INPP4A: variants seen among roughly 807,000 people sequenced by gnomAD.
The protein encoded by INPP4A is inositol polyphosphate-4-phosphatase type I A, also known as inositol polyphosphate-4-phosphatase, type I, 107kD.
INPP4A carries 33 observed loss-of-function variants against 119.8 expected under a neutral mutation model. The ratio of observed to expected loss-of-function variants is 0.28; its 90% CI spans 0.21 to 0.37. The LOEUF (loss-of-function observed/expected upper bound fraction) is 0.37, where lower values mean the gene tolerates loss of function less well. Ranked by LOEUF, INPP4A falls within the 10% of genes least tolerant of loss-of-function variation. INPP4A has a pLI of 1.00. For missense variants in INPP4A, 956 were observed against 1,289.9 expected (o/e 0.74, Z 3.97); for synonymous variants, 496 against 500.7 (o/e 0.99, Z 0.12).
intron 1 of INPP4A, among the ~76,000 whole-genome samples, chr2:98,466,268 ACTCTTGAC>A (rs1373998162): frequency 6.6e-6 from 1 of 151,418 alleles, no homozygotes; most frequent in African/African-American, 2.4e-5. Context: ...TTGGTCTTGA[ACTCTTGAC>A]CTCAAGCAAT....
intron 22 of INPP4A, 53 bp from the exon 23 acceptor site, chr2:98,572,762 G>A (rs772829042): frequency 7.6e-6 from 10 of 1,322,462 alleles, no homozygotes; most frequent in Non-Finnish European, 1.0e-5. Flanking sequence ...TCCCTCTGCC[G>A]GGGGAGTTCC....
intron 1 of INPP4A, among the ~76,000 whole-genome samples, chr2:98,453,596 C>T (rs1208455014): frequency 2.0e-5 from 3 of 152,120 alleles, no homozygotes; most frequent in Non-Finnish European, 4.4e-5. Flanking sequence ...TGTGTATACA[C>T]TTGGGGTCTT....
chr2:98,452,396 A>G (rs186014446), intron 1 of INPP4A, among the ~76,000 whole-genome samples: 2 of 152,322 alleles, frequency 1.3e-5, no homozygotes, highest in East Asian at 3.9e-4. Flanking sequence ...GGGCCCAGAA[A>G]GCTGTGCTTT....
chr2:98,518,125 A>G (rs919760806), intron 1 of INPP4A, among the ~76,000 whole-genome samples: 14 of 152,236 alleles, frequency 9.2e-5, no homozygotes, highest in African/African-American at 2.9e-4. Context: ...CATTACTGTA[A>G]AAAGCAGATA....
intron 1 of INPP4A, among the ~76,000 whole-genome samples, chr2:98,470,249 G>T (rs908508156): frequency 6.6e-6 from 1 of 152,212 alleles, no homozygotes; most frequent in Non-Finnish European, 1.5e-5. Flanking sequence ...ACTGGGGAGC[G>T]GCCCCTGGAT....
intron 15 of INPP4A, among the ~76,000 whole-genome samples, chr2:98,555,244 G>A (rs1694238027): frequency 6.6e-6 from 1 of 152,200 alleles, no homozygotes; most frequent in Admixed American, 6.5e-5. Context: ...GCAGTGGCAA[G>A]AGGAGGAGAT....
intron 1 of INPP4A, among the ~76,000 whole-genome samples, chr2:98,510,861 A>G (rs185863884): frequency 2.8e-3 from 432 of 152,310 alleles, no homozygotes; most frequent in Middle Eastern, 0.01. Flanking sequence ...CATGTCAGTT[A>G]AGTAAATGAA....
At chr2:98,552,546 G>A in intron 13 of INPP4A, 1 of 642,672 alleles carries the variant, frequency 1.6e-6, no homozygotes, top group Non-Finnish European at 2.9e-6. Context: ...TAAAAATACA[G>A]ATACATGCAA....
intron 1 of INPP4A, among the ~76,000 whole-genome samples, chr2:98,515,953 T>C (rs1232834689): frequency 6.6e-6 from 1 of 152,148 alleles, no homozygotes; most frequent in Non-Finnish European, 1.5e-5. Context: ...AGGGGTCACA[T>C]GAGTGCGCAG....
intron 4 of INPP4A, among the ~76,000 whole-genome samples, chr2:98,532,230 T>G (rs1048372858): frequency 1.3e-5 from 2 of 152,166 alleles, no homozygotes; most frequent in Non-Finnish European, 2.9e-5. Flanking sequence ...CTTTGTATTT[T>G]TCAGTCTTTT....
intron 17 of INPP4A, among the ~76,000 whole-genome samples, chr2:98,563,233 A>G (rs1695807181): frequency 6.6e-6 from 1 of 151,950 alleles, no homozygotes; most frequent in Non-Finnish European, 1.5e-5. Flanking sequence ...GAGACCAGGC[A>G]TGTCTTGGAG....
At chr2:98,454,433 G>T (rs970285976) in intron 1 of INPP4A, among the ~76,000 whole-genome samples, 5 of 152,166 alleles carry the variant, frequency 3.3e-5, no homozygotes, top group African/African-American at 1.2e-4. Context: ...TGCTGGATGT[G>T]AACCCAAGTC....
chr2:98,497,727 TGC>T lies in INPP4A; in HGVS notation c.-165-21236_-165-21235del, dbSNP rs1356586762. On this transcript the variant is annotated intron_variant, in intron 1 of 24. Coordinates refer to ENST00000409851, the MANE Select transcript of INPP4A (RefSeq NM_001134225.2). ...ACTCTGTTGATTGTCTGCTTTGCTG[TGC>T]AGAAGCTTGGGCGCAACTGCCCAAG... Among the ~76,000 whole-genome samples the T allele has an allele frequency of 5.9e-5, 9 of 152,360 alleles. No individual in the cohort carries two copies. In the East Asian group the frequency reaches 1.7e-3, roughly 29 times the overall value.
At chr2:98,484,706 T>C (rs1679190448) in intron 1 of INPP4A, among the ~76,000 whole-genome samples, 1 of 152,230 alleles carries the variant, frequency 6.6e-6, no homozygotes, top group Non-Finnish European at 1.5e-5. Context: ...AACATTTTTA[T>C]ACGTGTTCTT....
chr2:98,447,627 C>T (rs1051891826), intron 1 of INPP4A, among the ~76,000 whole-genome samples: 2 of 152,028 alleles, frequency 1.3e-5, no homozygotes, highest in African/African-American at 4.8e-5. Flanking sequence ...CTCAGATTCT[C>T]CAAATGTGGA....
chr2:98,557,161 T>G (rs1694638872), intron 16 of INPP4A, among the ~76,000 whole-genome samples: 1 of 152,238 alleles, frequency 6.6e-6, no homozygotes, highest in Non-Finnish European at 1.5e-5. Context: ...CATCCTGTAT[T>G]GTTTAAATAT....
At chr2:98,512,881 T>G (rs1046071280) in intron 1 of INPP4A, among the ~76,000 whole-genome samples, 15 of 152,218 alleles carry the variant, frequency 9.9e-5, no homozygotes, top group African/African-American at 3.6e-4. Context: ...CCCTCCACCT[T>G]GTCCGTGTTC....
chr2:98,544,063 ACTCT>A, intron 11 of INPP4A, 56 bp downstream of exon 11: 2 of 1,195,618 alleles, frequency 1.7e-6, no homozygotes, highest in Admixed American at 2.4e-5. Flanking sequence ...ACACACACAC[ACTCT>A]CACTCTCACT....
chr2:98,533,586 C>T (rs1395372403), intron 5 of INPP4A, 91 bp downstream of exon 5: 2 of 787,706 alleles, frequency 2.5e-6, no homozygotes, highest in African/African-American at 3.4e-5. Flanking sequence ...GCATCTGTAG[C>T]TGAAGCTGTA....
Sources: allele counts gnomAD v4.1 joint callset (sites outside exome capture counted in the v4.1 genomes callset), GRCh38; gene constraint gnomAD v4.1.1; transcripts MANE v1.5; gene names NCBI Gene and HGNC (gene_info 2026-07-23, HGNC 2026-07-21).